Variants in CFAP299 observed in about 807,000 individuals in gnomAD.
CFAP299 encodes cilia- and flagella-associated protein 299.
CFAP299 carries 21 observed loss-of-function variants against 27.0 expected under a neutral mutation model. The ratio of observed to expected loss-of-function variants is 0.78; its 90% CI spans 0.55 to 1.12. The LOEUF is 1.12. CFAP299 is among the 50% of genes most tolerant of loss of function. CFAP299 has a pLI of 0.00. For missense variants in CFAP299, 310 were observed against 276.6 expected (o/e 1.12, Z -0.86); for synonymous variants, 104 against 98.1 (o/e 1.06, Z -0.36).
intron 2 of CFAP299, among the ~76,000 whole-genome samples, chr4:80,526,327 C>T (rs755080276): frequency 2.6e-5 from 4 of 152,126 alleles, no homozygotes; most frequent in Non-Finnish European, 5.9e-5. Context: ...TAAGAAGGAA[C>T]ACTTCAAAGT....
intron 5 of CFAP299, 127 bp from the exon 6 acceptor site, chr4:80,963,390 T>C (rs1738440188): frequency 1.6e-6 from 1 of 638,100 alleles, no homozygotes. Flanking sequence ...AACATGTATA[T>C]ATCTCCGTGG....
chr4:80,457,685 C>T (rs543515918), intron 2 of CFAP299, among the ~76,000 whole-genome samples: 17 of 152,188 alleles, frequency 1.1e-4, no homozygotes, highest in Admixed American at 5.2e-4. Context: ...AGATGTTTTT[C>T]GGGACTTCTA....
intron 2 of CFAP299, among the ~76,000 whole-genome samples, chr4:80,577,397 A>ATTTTTTTTTTTT (rs34922224): frequency 1.0e-5 from 1 of 98,824 alleles, no homozygotes; most frequent in Non-Finnish European, 1.8e-5. Flanking sequence ...ATTAGAAAAC[A>ATTTTTTTTTTTT]TTTTTTTTTT....
intron 2 of CFAP299, among the ~76,000 whole-genome samples, chr4:80,472,065 T>C (rs1730025966): frequency 6.6e-6 from 1 of 152,204 alleles, no homozygotes; most frequent in South Asian, 2.1e-4. Context: ...TACACAGATA[T>C]TTCCTTCAAT....
intron 4 of CFAP299, among the ~76,000 whole-genome samples, chr4:80,873,789 G>T (rs929665695): frequency 6.6e-6 from 1 of 152,138 alleles, no homozygotes; most frequent in African/African-American, 2.4e-5. Flanking sequence ...TGCATGTGTT[G>T]AACAAAGATC....
chr4:80,785,140 GT>G (rs34318898), intron 3 of CFAP299, among the ~76,000 whole-genome samples: 30,813 of 133,696 alleles, frequency 0.23, 3,673 homozygotes, highest in African/African-American at 0.36. Flanking sequence ...CTTCCTCTAT[GT>G]TTTTTTTTTT....
At chr4:80,907,256 A>G (rs1735228871) in intron 4 of CFAP299, among the ~76,000 whole-genome samples, 1 of 152,206 alleles carries the variant, frequency 6.6e-6, no homozygotes, top group African/African-American at 2.4e-5. Context: ...TTCATTGTCC[A>G]TATCACTATC....
At position 80,635,580 on chromosome 4, in the gene CFAP299, T is replaced by C. The variant is rs1739433996; in HGVS notation, c.333+52397T>C. Among the ~76,000 whole-genome samples, 3 of 152,318 alleles carry C rather than the reference T, an allele frequency of 2.0e-5. No individual in the cohort carries two copies. In the South Asian group the frequency reaches 6.2e-4, roughly 32 times the overall value. On this transcript the variant is annotated intron_variant, in intron 3 of 5. Coordinates refer to ENST00000358105, the MANE Select transcript of CFAP299 (RefSeq NM_152770.3). ...CAAAATGGGTCACAGTTTTAATATA[T>C]GTTAGTGACTGCTATGTTCTCTTTA...
At chr4:80,859,107 A>G (rs1396174815) in intron 3 of CFAP299, among the ~76,000 whole-genome samples, 1 of 152,168 alleles carries the variant, frequency 6.6e-6, no homozygotes, top group East Asian at 1.9e-4. Context: ...TATTGGGTGC[A>G]TATATATTTA....
intron 3 of CFAP299, among the ~76,000 whole-genome samples, chr4:80,646,872 T>C (rs1023466055): frequency 1.3e-5 from 2 of 152,160 alleles, no homozygotes; most frequent in Admixed American, 6.6e-5. Context: ...TAATTCAGTT[T>C]TAGAACGTAT....
chr4:80,843,334 G>C (rs952815672), intron 3 of CFAP299, among the ~76,000 whole-genome samples: 23 of 152,066 alleles, frequency 1.5e-4, no homozygotes, highest in East Asian at 5.8e-4. Context: ...TGCGGTGTTT[G>C]GATTTTTGTC....
intron 3 of CFAP299, among the ~76,000 whole-genome samples, chr4:80,748,895 C>CAATATTA (rs1724766625): frequency 1.3e-5 from 2 of 152,056 alleles, no homozygotes; most frequent in African/African-American, 4.8e-5. Flanking sequence ...ATTTTCTTGG[C>CAATATTA]AAAAAGTTTG....
chr4:80,870,608 G>A, intron 4 of CFAP299: 1 of 985,930 alleles, frequency 1.0e-6, no homozygotes, highest in Non-Finnish European at 1.2e-6. Context: ...TACTACCAAT[G>A]CTTGCCTTTT....
At chr4:80,730,573 A>C (rs961784108) in intron 3 of CFAP299, among the ~76,000 whole-genome samples, 2 of 151,978 alleles carry the variant, frequency 1.3e-5, no homozygotes, top group African/African-American at 4.8e-5. Context: ...CACTTCAGTG[A>C]GCTGTGAAGT....
chr4:80,811,058 A>G (rs1268921915), intron 3 of CFAP299, among the ~76,000 whole-genome samples: 2 of 152,084 alleles, frequency 1.3e-5, no homozygotes, highest in Non-Finnish European at 2.9e-5. Flanking sequence ...CTTTACAATA[A>G]CTTCAGTAGT....
At chr4:80,864,479 T>TAC (rs199739438) in intron 3 of CFAP299, among the ~76,000 whole-genome samples, 19,851 of 146,070 alleles carry the variant, frequency 0.14, 1,630 homozygotes, top group Middle Eastern at 0.27. Flanking sequence ...CCTATGTGTA[T>TAC]ACATATATAC....
intron 3 of CFAP299, among the ~76,000 whole-genome samples, chr4:80,734,740 C>A (rs970316496): frequency 6.6e-6 from 1 of 151,986 alleles, no homozygotes; most frequent in African/African-American, 2.4e-5. Context: ...CCCCATTGTA[C>A]GTTTTTGGCA....
chr4:80,804,868 TTAAAG>T (rs1413274957), intron 3 of CFAP299, among the ~76,000 whole-genome samples: 2 of 152,166 alleles, frequency 1.3e-5, no homozygotes, highest in East Asian at 1.9e-4. Flanking sequence ...CAATTTACAT[TTAAAG>T]TAATTACTGA....
At chr4:80,711,885 T>G (rs1339090874) in intron 3 of CFAP299, among the ~76,000 whole-genome samples, 1 of 152,140 alleles carries the variant, frequency 6.6e-6, no homozygotes, top group Non-Finnish European at 1.5e-5. Flanking sequence ...GAATACAAGT[T>G]CTATGAATTG....
Sources: allele counts gnomAD v4.1 joint callset (sites outside exome capture counted in the v4.1 genomes callset), GRCh38; gene constraint gnomAD v4.1.1; transcripts MANE v1.5; gene names NCBI Gene and HGNC (gene_info 2026-07-23, HGNC 2026-07-21).